The following CSMD2 variants were observed in gnomAD, a reference collection of about 807,000 sequenced individuals.
CSMD2 encodes the protein CUB and sushi domain-containing protein 2.
Under a neutral mutation model 398.5 loss-of-function variants are expected in CSMD2, and 130 were observed. The observed-to-expected ratio is 0.33, with a 90% CI of 0.28 to 0.38. CSMD2 has a LOEUF of 0.38. CSMD2 is among the 10% of genes least tolerant of loss of function. The pLI is 1.00. For synonymous variants in CSMD2, 1,828 were observed against 1,908.5 expected (o/e 0.96, Z 1.10); for missense variants, 3,829 against 4,764.9 (o/e 0.80, Z 5.78).
At chr1:33,670,795 T>C (rs971997805) in intron 25 of CSMD2, among the ~76,000 whole-genome samples, 5 of 152,192 alleles carry the variant, frequency 3.3e-5, no homozygotes, top group Admixed American at 2.6e-4. Context: ...GATAAGAATA[T>C]GGCATGCTTC....
At chr1:33,867,783 T>C (rs1279134059) in intron 5 of CSMD2, among the ~76,000 whole-genome samples, 1 of 152,164 alleles carries the variant, frequency 6.6e-6, no homozygotes, top group Non-Finnish European at 1.5e-5. Context: ...AGTTGGGTTG[T>C]CTTGTTTCCA....
intron 60 of CSMD2, among the ~76,000 whole-genome samples, chr1:33,539,425 A>C (rs1484122856): frequency 6.6e-6 from 1 of 152,246 alleles, no homozygotes; most frequent in Non-Finnish European, 1.5e-5. Flanking sequence ...AGATCAGTAA[A>C]TATTGATAAA....
At position 33,521,367 on chromosome 1, in the gene CSMD2, CTG is replaced by C. The variant is rs1324071997; in HGVS notation, c.10597+94_10597+95del. The C allele has an allele frequency of 9.5e-6, 8 of 842,952 alleles. No individual in the cohort carries two copies. The African/African-American group carries it at 1.2e-4, about 12-fold the overall frequency. 52.2% of individuals were successfully genotyped at this position (842,952 alleles called of 1,614,324 possible). On this transcript the variant is annotated intron_variant, in intron 68 of 70. Coordinates refer to ENST00000373381, the MANE Select transcript of CSMD2 (RefSeq NM_001281956.2). ...GAGGCCAAAGCACCCCCGCCTCAGA[CTG>C]TTCAACTTCCCCAGTCCTCTACCTG...
chr1:33,960,058 G>A (rs781334131), intron 3 of CSMD2, among the ~76,000 whole-genome samples: 3 of 152,218 alleles, frequency 2.0e-5, no homozygotes, highest in African/African-American at 4.8e-5. Context: ...CTGGGTCTCA[G>A]GAGGTCACAA....
chr1:33,544,831 T>TATA (rs1656716226), intron 57 of CSMD2, among the ~76,000 whole-genome samples: 1 of 141,984 alleles, frequency 7.0e-6, no homozygotes, highest in African/African-American at 2.7e-5. Context: ...CACTGTGCAT[T>TATA]TATATATATA....
At position 33,783,431 on chromosome 1, in the gene CSMD2, TTCTCTCTCTCTCTCTCTCTCTCTCTC is replaced by T. The variant is rs55769634; in HGVS notation, c.1663+5143_1663+5168del. ...AAACAACACCATGCTCATTCTCTCA[TTCTCTCTCTCTCTCTCTCTCTCTCTC>T]TCTCTCTCTCTCTCTCTCCTGTGTG... On this transcript the variant is annotated intron_variant, in intron 12 of 70. Transcript: ENST00000373381. Among the ~76,000 whole-genome samples, 4 of 135,250 alleles carry T rather than the reference TTCTCTCTCTCTCTCTCTCTCTCTCTC, an allele frequency of 3.0e-5. No homozygotes were observed. In the East Asian group the frequency reaches 6.7e-4, roughly 23 times the overall value. 88.7% of individuals were successfully genotyped at this position (135,250 alleles called of 152,430 possible). A position where few individuals can be genotyped will look rare whatever the true frequency, so the allele number is the denominator to read the frequency against.
intron 49 of CSMD2, among the ~76,000 whole-genome samples, chr1:33,574,203 T>G (rs10798972): frequency 0.22 from 33,069 of 151,958 alleles, 3,804 homozygotes; most frequent in Non-Finnish European, 0.25. Flanking sequence ...GAAAGGACAA[T>G]ATATGAGATA....
At chr1:33,944,827 T>G (rs1644792003) in intron 3 of CSMD2, among the ~76,000 whole-genome samples, 1 of 152,118 alleles carries the variant, frequency 6.6e-6, no homozygotes, top group Non-Finnish European at 1.5e-5. Flanking sequence ...CCAAGCTGCT[T>G]GATCTAAGGG....
intron 1 of CSMD2, among the ~76,000 whole-genome samples, chr1:34,151,733 G>A (rs1233856454): frequency 6.6e-6 from 1 of 152,002 alleles, no homozygotes; most frequent in Non-Finnish European, 1.5e-5. Context: ...TGCTGACTCA[G>A]CCCAAGTAGG....
intron 2 of CSMD2, among the ~76,000 whole-genome samples, chr1:34,043,597 T>C (rs903753946): frequency 2.0e-5 from 3 of 152,178 alleles, no homozygotes; most frequent in African/African-American, 7.2e-5. Flanking sequence ...AGATGCAATA[T>C]AGAGTCAATA....
At position 33,624,448 on chromosome 1, in the gene CSMD2, G is replaced by A. The variant is rs1641969534; in HGVS notation, c.5625+71C>T. Reference sequence around the variant, plus strand: ...GCCTTGGCACCAGCCAGCACCTGTGGTTGTCACCTGTGAGCTGTTACCTGG... The same window carrying A: ...GCCTTGGCACCAGCCAGCACCTGTGATTGTCACCTGTGAGCTGTTACCTGG... On this transcript the variant is annotated intron_variant, in intron 35 of 70. Transcript: ENST00000373381. This position sits in a 1 kb window ranked among gnomAD's most constrained non-coding sequence, Gnocchi z 4.7. 6.3e-7 allele frequency: 1 copy of A among 1,578,074 alleles called. No individual in the cohort carries two copies. Among genetic ancestry groups the A allele is most frequent in the East Asian group, 2.2e-5 (1 of 44,466 alleles).
intron 1 of CSMD2, among the ~76,000 whole-genome samples, chr1:34,124,780 G>C (rs1662568562): frequency 6.6e-6 from 1 of 152,190 alleles, no homozygotes; most frequent in East Asian, 1.9e-4. Context: ...TGAAACAAAA[G>C]TCACAGTTCT....
At chr1:34,099,036 C>T (rs1659691326) in intron 1 of CSMD2, among the ~76,000 whole-genome samples, 1 of 152,068 alleles carries the variant, frequency 6.6e-6, no homozygotes, top group Non-Finnish European at 1.5e-5. Context: ...AGGATCTGAA[C>T]AAATTAGTTC....
chr1:34,038,531 TGGGACGGCCA>T (rs1363203246), intron 2 of CSMD2, among the ~76,000 whole-genome samples: 3 of 152,152 alleles, frequency 2.0e-5, no homozygotes, highest in Admixed American at 6.5e-5. Flanking sequence ...GTCTTGAAAA[TGGGACGGCCA>T]GGACACCATA....
At chr1:33,700,019 T>TG (rs1248283132) in intron 23 of CSMD2, among the ~76,000 whole-genome samples, 1 of 151,510 alleles carries the variant, frequency 6.6e-6, no homozygotes, top group East Asian at 1.9e-4. Flanking sequence ...CATTTTTTTT[T>TG]TTCTTTTTTT....
intron 1 of CSMD2, among the ~76,000 whole-genome samples, chr1:34,100,456 A>G (rs1426461016): frequency 6.6e-6 from 1 of 152,162 alleles, no homozygotes; most frequent in East Asian, 1.9e-4. Context: ...TACACCGGGG[A>G]CACGTTCCAG....
rs1642771407 is a variant in CSMD2, at chr1:33,635,905, C to T, written c.4969+455G>A. Among the ~76,000 whole-genome samples, 1 of 152,128 alleles carries T rather than the reference C, an allele frequency of 6.6e-6. No individual in the cohort carries two copies. Among genetic ancestry groups the T allele is most frequent in the Admixed American group, 6.5e-5 (1 of 15,284 alleles). ...ATGGGTGGTCACCAAGCTCTTAAAGCCCTGATACTCATTCCTATCTCTCTT... is the reference window on the plus strand; with the variant it reads ...ATGGGTGGTCACCAAGCTCTTAAAGTCCTGATACTCATTCCTATCTCTCTT... On this transcript the variant is annotated intron_variant, in intron 30 of 70. Transcript: ENST00000373381. This position sits in a 1 kb window ranked among gnomAD's most constrained non-coding sequence, Gnocchi z 5.0.
intron 1 of CSMD2, among the ~76,000 whole-genome samples, chr1:34,157,413 C>CAACTCAA (rs1246195496): frequency 6.6e-6 from 1 of 152,098 alleles, no homozygotes; most frequent in Non-Finnish European, 1.5e-5. Context: ...CATCTTATCT[C>CAACTCAA]CCAGTCTCTT....
chr1:33,888,802 C>G (rs1342352069), intron 5 of CSMD2, among the ~76,000 whole-genome samples: 1 of 127,586 alleles, frequency 7.8e-6, no homozygotes, highest in Non-Finnish European at 1.6e-5. Flanking sequence ...GAGTCTCCCT[C>G]TGTCGCCCAG....
Sources: allele counts gnomAD v4.1 joint callset (sites outside exome capture counted in the v4.1 genomes callset), GRCh38; gene constraint gnomAD v4.1.1; non-coding constraint Gnocchi (gnomAD v3.1); transcripts MANE v1.5; gene names NCBI Gene and HGNC (gene_info 2026-07-23, HGNC 2026-07-21).